The following BCAT2 variants were observed in gnomAD, a reference collection of about 807,000 sequenced individuals.
BCAT2 encodes branched chain amino acid transaminase 2.
A neutral mutation model predicts 52.9 loss-of-function variants in BCAT2; 44 were observed. The ratio of observed to expected loss-of-function variants is 0.83; its 90% confidence interval spans 0.65 to 1.07. The LOEUF (loss-of-function observed/expected upper bound fraction) is 1.07. Ranked by LOEUF, BCAT2 falls within the 50% of genes least tolerant of loss-of-function variation. The pLI, the probability that BCAT2 is intolerant of heterozygous loss-of-function variation, is 0.00. For missense variants in BCAT2, 478 were observed against 521.8 expected, an observed-to-expected ratio of 0.92 and a Z score of 0.82; for synonymous variants, 215 against 217.1, an observed-to-expected ratio of 0.99 and a Z score of 0.08.
intron 3 of BCAT2, among the ~76,000 whole-genome samples, chr19:48,801,164 T>G (rs1023499477): frequency 6.6e-6 from 1 of 151,818 alleles, no homozygotes; most frequent in African/African-American, 2.4e-5. Flanking sequence ...ATTTTTGTAT[T>G]TTTAGTTGAT....
intron 3 of BCAT2, among the ~76,000 whole-genome samples, chr19:48,800,728 G>A (rs2034640208): frequency 6.6e-6 from 1 of 152,208 alleles, no homozygotes; most frequent in Non-Finnish European, 1.5e-5. Flanking sequence ...AGGATCACTT[G>A]AGCCTGGGAG....
At chr19:48,798,225 A>G (rs1048067956) in intron 6 of BCAT2, among the ~76,000 whole-genome samples, 1 of 151,830 alleles carries the variant, frequency 6.6e-6, no homozygotes, top group African/African-American at 2.4e-5. Flanking sequence ...TTCTGTTGTC[A>G]CCTCCTCGAG....
rs2034540377 is a variant in BCAT2, at chr19:48,797,060, AC to A, written c.839-39del. 1.9e-6 allele frequency: 3 copies of A among 1,611,454 alleles called. No homozygotes were observed. The East Asian group carries it at 6.7e-5, about 36-fold the overall frequency. Reference sequence around the variant, plus strand: ...TAAGGGGTGGAAGATGTTACCTCTCACCCCCTAGCACCGCCGTCTTAAGAGC... The same window carrying A: ...TAAGGGGTGGAAGATGTTACCTCTCACCCCTAGCACCGCCGTCTTAAGAGC... On this transcript the variant is annotated intron_variant, in intron 7 of 10. Transcript: ENST00000316273.
Position 48,796,450 on chromosome 19 carries a change from T to C in BCAT2, c.1118A>G (p.Gln373Arg). The change falls in exon 10 of 11, where the codon CAG becomes CGG. Residue 373 changes from glutamine (Q) to arginine (R), a missense_variant. Gln to Arg is a conservative substitution (Grantham distance 43). Coordinates refer to ENST00000316273, the MANE Select transcript of BCAT2 (RefSeq NM_001190.4). ...ENGPELILRFQKELKEIQYGI... is the reference protein window; with the variant it reads ...ENGPELILRFRKELKEIQYGI... ...CACCTGGATCTCCTTCAGCTCCTTCTGGAAGCGGAGGATCAGCTCAGGCCC... is the reference window on the plus strand; with the variant it reads ...CACCTGGATCTCCTTCAGCTCCTTCCGGAAGCGGAGGATCAGCTCAGGCCC... 6.2e-7 allele frequency: 1 copy of C among 1,614,108 alleles called. No individual in the cohort carries two copies. The highest frequency in any genetic ancestry group is 8.5e-7 in the Non-Finnish European group (1 of 1,180,004).
chr19:48,795,691 C>A (rs1460369469), intron 10 of BCAT2, among the ~76,000 whole-genome samples: 1 of 152,088 alleles, frequency 6.6e-6, no homozygotes, highest in Admixed American at 6.6e-5. Context: ...TATGGCCAGG[C>A]CTCTAAGGCT....
Position 48,797,103 on chromosome 19 carries a change from C to G in BCAT2, c.839-81G>C, listed in dbSNP as rs185848515. On this transcript the variant is annotated intron_variant, in intron 7 of 10. Transcript: ENST00000316273. The stretch of plus-strand genomic sequence containing the variant: ...CTTAAGAGCCACCCCCTTCCCCCAT[C>G]CCAGAATCCCTGGGGCCTGTAACCT... 288 of 1,606,996 alleles carry G rather than the reference C, an allele frequency of 1.8e-4. No individual in the cohort carries two copies. The African/African-American group carries it at 3.7e-3, about 20-fold the overall frequency.
intron 6 of BCAT2, 45 bp from the exon 7 acceptor site, chr19:48,797,378 C>G (rs955362167): frequency 3.7e-6 from 6 of 1,608,174 alleles, no homozygotes; most frequent in African/African-American, 2.7e-5. Flanking sequence ...GAGCCCCATC[C>G]TTCCCCAGCC....
intron 3 of BCAT2, among the ~76,000 whole-genome samples, chr19:48,803,321 T>C (rs1303536811): frequency 6.6e-6 from 1 of 150,812 alleles, no homozygotes; most frequent in Non-Finnish European, 1.5e-5. Context: ...AAATCTGAGA[T>C]CACCCTGGGC....
At chr19:48,806,897 C>T in intron 2 of BCAT2, 103 bp downstream of exon 2, 1 of 1,432,012 alleles carries the variant, frequency 7.0e-7, no homozygotes, top group Non-Finnish European at 9.8e-7. Context: ...TAAGCTACCA[C>T]CACTCACTGC....
intron 1 of BCAT2, among the ~76,000 whole-genome samples, chr19:48,809,318 G>T (rs1006960286): frequency 1.3e-5 from 2 of 151,988 alleles, no homozygotes; most frequent in African/African-American, 4.8e-5. Context: ...CACAGGGCAG[G>T]TCTCTATAAT....
intron 1 of BCAT2, among the ~76,000 whole-genome samples, chr19:48,808,598 A>G (rs971890809): frequency 1.3e-5 from 2 of 151,752 alleles, no homozygotes; most frequent in Non-Finnish European, 2.9e-5. Context: ...CTCTACAGAA[A>G]ATACAAGTTA....
In BCAT2 at chr19:48,795,280, G is replaced by A. The variant is rs373371555; in HGVS notation, c.*146C>T. 971 of 1,086,536 alleles carry A rather than the reference G, an allele frequency of 8.9e-4. 3 individuals are homozygous for A. The highest frequency in any genetic ancestry group is 3.7e-3 in the South Asian group (266 of 71,396). The allele number at this position is 1,086,536 out of a possible 1,614,324, so 67.3% of individuals were successfully genotyped here. On this transcript the variant is annotated 3_prime_UTR_variant, in exon 11 of 11. Transcript: ENST00000316273. The stretch of plus-strand genomic sequence containing the variant: ...CGGCCCTTACGGCTTTGGGAGTGTC[G>A]CAACCACATGGGGGCGCCAGAGACC...
Position 48,796,663 on chromosome 19 carries a change from A to C in BCAT2, c.980T>G (p.Leu327Arg), listed in dbSNP as rs757412438. The C allele has an allele frequency of 2.5e-6, 4 of 1,613,530 alleles. No homozygotes were observed. In the East Asian group the frequency reaches 8.9e-5, roughly 36 times the overall value. The change falls in exon 9 of 11, where the codon CTG becomes CGG. Residue 327 changes from leucine to arginine, a missense_variant. Physicochemically the swap from Leu to Arg is moderately radical, Grantham distance 102. Transcript: ENST00000316273. Reference protein sequence around the residue: ...TITMKQLLRALEEGRVREVFG... With the variant: ...TITMKQLLRAREEGRVREVFG... ...GACTTCCCGCACGCGGCCCTCCTCCAGGGCCCGCAGCAACTGCTTCATGGT... is the reference window on the plus strand; with the variant it reads ...GACTTCCCGCACGCGGCCCTCCTCCCGGGCCCGCAGCAACTGCTTCATGGT...
chr19:48,806,446 C>T (rs1217701254), intron 3 of BCAT2, 71 bp downstream of exon 3: 6 of 1,571,458 alleles, frequency 3.8e-6, no homozygotes, highest in Non-Finnish European at 5.2e-6. Flanking sequence ...GAGAGGTACA[C>T]CTGGCAAGAG....
chr19:48,796,813 G>A (rs1213864946), intron 8 of BCAT2, 95 bp from the exon 9 acceptor site: 2 of 1,590,096 alleles, frequency 1.3e-6, no homozygotes, highest in African/African-American at 1.3e-5. Context: ...AAAGACAGAG[G>A]CCCAACGGGA....
At chr19:48,797,403 G>A (rs1170427712) in intron 6 of BCAT2, 70 bp from the exon 7 acceptor site, 1 of 1,575,574 alleles carries the variant, frequency 6.3e-7, no homozygotes, top group Non-Finnish European at 8.7e-7. Context: ...CCCAGAGGAG[G>A]CTCATCCTAC....
At chr19:48,797,672 T>TCCTGAGTAACTGGAGTAACTGGGGCATG (rs1555773392) in intron 6 of BCAT2, 5 of 285,064 alleles carry the variant, frequency 1.8e-5, no homozygotes, top group Admixed American at 4.8e-5. Context: ...TGCCTCAGCC[T>TCCTGAGTAACTGGAGTAACTGGGGCATG]CTCTTGACCT....
intron 1 of BCAT2, chr19:48,808,321 G>A: frequency 2.2e-6 from 2 of 924,726 alleles, no homozygotes; most frequent in Non-Finnish European, 2.6e-6. Context: ...GCTGCCCTCA[G>A]AGCCAAGATG....
intron 2 of BCAT2, 86 bp downstream of exon 2, chr19:48,806,914 T>C: frequency 6.7e-7 from 1 of 1,497,480 alleles, no homozygotes; most frequent in Non-Finnish European, 9.3e-7. Flanking sequence ...CTGCCATCTC[T>C]GGGCTGTGGA....
Sources: allele counts gnomAD v4.1 joint callset (sites outside exome capture counted in the v4.1 genomes callset), GRCh38; gene constraint gnomAD v4.1.1; transcripts MANE v1.5; gene names NCBI Gene and HGNC (gene_info 2026-07-23, HGNC 2026-07-21).